Variants in SLC44A2 observed in about 807,000 individuals in gnomAD.
SLC44A2 encodes choline transporter-like protein 2.
A neutral mutation model predicts 90.8 loss-of-function variants in SLC44A2; 57 were observed. That is an observed-to-expected ratio of 0.63 (90% CI 0.51 to 0.78). The LOEUF is 0.78. Ranked by LOEUF, SLC44A2 falls within the 30% of genes least tolerant of loss-of-function variation. The probability of loss-of-function intolerance (pLI) is 0.00; values close to 1 mark genes in which losing one functional copy is unlikely to be tolerated. For missense variants in SLC44A2, 794 were observed against 919.7 expected, an observed-to-expected ratio of 0.86 and a Z score of 1.77; for synonymous variants, 355 against 360.7, an observed-to-expected ratio of 0.98 and a Z score of 0.18.
chr19:10,604,787 G>T (rs865911484), intron 1 of SLC44A2, among the ~76,000 whole-genome samples: 2 of 152,162 alleles, frequency 1.3e-5, no homozygotes, highest in Non-Finnish European at 2.9e-5. Context: ...TAGTACTGGG[G>T]ACATGGCTTT....
At chr19:10,640,480 G>A (rs1056882363) in intron 20 of SLC44A2, among the ~76,000 whole-genome samples, 1 of 152,068 alleles carries the variant, frequency 6.6e-6, no homozygotes, top group Non-Finnish European at 1.5e-5. Flanking sequence ...TAATAATAGA[G>A]GCAGTGTCTC....
chr19:10,627,679 A>G (rs890579588), intron 2 of SLC44A2, 43 bp from the exon 3 acceptor site: 2 of 1,588,458 alleles, frequency 1.3e-6, no homozygotes, highest in African/African-American at 2.7e-5. Flanking sequence ...CATGGTGCAC[A>G]CAGCACCAAG....
rs141165685 is a variant in SLC44A2 at position 10,609,407 on chromosome 19, C to T, written c.31+6846C>T. Among the ~76,000 whole-genome samples, 1,275 of 152,122 alleles carry T rather than the reference C, an allele frequency of 8.4e-3. 20 individuals are homozygous for T. The highest frequency in any genetic ancestry group is 0.029 in the African/African-American group (1,208 of 41,504). On this transcript the variant is annotated intron_variant, in intron 1 of 21. Transcript: ENST00000407327. ...CTCCGCCTCCTGGGTTCAAGTGATTCTCCTGCCTCAGGCTCCTGAGTAGCT... is the reference window on the plus strand; with the variant it reads ...CTCCGCCTCCTGGGTTCAAGTGATTTTCCTGCCTCAGGCTCCTGAGTAGCT...
chr19:10,617,761 C>CCT (rs1366105057), intron 1 of SLC44A2, among the ~76,000 whole-genome samples: 1 of 152,142 alleles, frequency 6.6e-6, no homozygotes, highest in Non-Finnish European at 1.5e-5. Flanking sequence ...GATGAAATGG[C>CCT]CTCCAGTATG....
chr19:10,641,135 A>G, intron 20 of SLC44A2: 1 of 391,198 alleles, frequency 2.6e-6, no homozygotes, highest in Non-Finnish European at 4.9e-6. Flanking sequence ...GCCCACATGT[A>G]TAATCCCAGC....
At chr19:10,621,424 T>C (rs1004985172), upstream of SLC44A2, among the ~76,000 whole-genome samples, 23 of 139,130 alleles carry the variant, frequency 1.7e-4, no homozygotes, top group African/African-American at 5.6e-4. Flanking sequence ...GGTTGGGTGT[T>C]TTTTTTTTTT....
At chr19:10,620,540 G>C (rs1219790350) in intron 1 of SLC44A2, among the ~76,000 whole-genome samples, 5 of 152,110 alleles carry the variant, frequency 3.3e-5, no homozygotes, top group Non-Finnish European at 5.9e-5. Context: ...TTTATTTTCA[G>C]TGTTCACTCT....
At chr19:10,608,895 C>T (rs1040745720) in intron 1 of SLC44A2, among the ~76,000 whole-genome samples, 5 of 151,160 alleles carry the variant, frequency 3.3e-5, no homozygotes, top group African/African-American at 1.2e-4. Context: ...AAGCTATCCA[C>T]GTGCTTCAGC....
rs115004332 is a variant in SLC44A2, at chr19:10,635,296, C to A, written c.1148+41C>A. On this transcript the variant is annotated intron_variant, in intron 13 of 21. Transcript: ENST00000335757. Reference sequence around the variant, plus strand: ...CACTGATCTCTGACCCCAGGGATGGCTAAAGACCAACTTTGCCTAGAAGTG... The same window carrying A: ...CACTGATCTCTGACCCCAGGGATGGATAAAGACCAACTTTGCCTAGAAGTG... 5.1e-3 allele frequency: 8,285 copies of A among 1,609,946 alleles called. 378 individuals carry two copies. The African/African-American group carries it at 0.097, about 19-fold the overall frequency.
chr19:10,618,100 G>T (rs1320877874), intron 1 of SLC44A2, among the ~76,000 whole-genome samples: 1 of 151,886 alleles, frequency 6.6e-6, no homozygotes, highest in Non-Finnish European at 1.5e-5. Context: ...CGCCTCCCGG[G>T]TTCATGCCAT....
At chr19:10,624,990 G>A (rs142192576), upstream of SLC44A2, among the ~76,000 whole-genome samples, 7 of 152,192 alleles carry the variant, frequency 4.6e-5, no homozygotes, top group African/African-American at 1.2e-4. Flanking sequence ...TTAAAAATTA[G>A]CCGAGTGCAG....
chr19:10,619,673 G>A lies in SLC44A2; in HGVS notation c.32-6580G>A, dbSNP rs569627809. 1.1e-4 allele frequency among the ~76,000 whole-genome samples: 16 copies of A among 152,082 alleles called. No homozygotes were observed. The South Asian group carries it at 2.5e-3, about 24-fold the overall frequency. On this transcript the variant is annotated intron_variant, in intron 1 of 21. Coordinates refer to the SLC44A2 transcript ENST00000407327. Reference sequence around the variant, plus strand: ...TTAAGTATAAAATTAGCAAATCTCCGCCGGACGCAGTGGCTCACACCTGTA... The same window carrying A: ...TTAAGTATAAAATTAGCAAATCTCCACCGGACGCAGTGGCTCACACCTGTA...
intron 14 of SLC44A2, 35 bp from the exon 15 acceptor site, chr19:10,636,286 CCT>C: frequency 6.3e-7 from 1 of 1,584,142 alleles, no homozygotes; most frequent in Non-Finnish European, 8.6e-7. Context: ...ACCCCTGGTG[CCT>C]CTTTTTGGAC....
Position 10,607,747 on chromosome 19 carries a change from ATTAT to A in SLC44A2, c.31+5189_31+5192del, listed in dbSNP as rs1229540031. Among the ~76,000 whole-genome samples the A allele has an allele frequency of 5.4e-4, 64 of 118,650 alleles. 1 individual carries two copies. Among genetic ancestry groups the A allele is most frequent in the African/African-American group, 1.9e-3 (63 of 33,808 alleles). The allele number at this position is 118,650 out of a possible 152,430, so 77.8% of individuals were successfully genotyped here. A position where few individuals can be genotyped will look rare whatever the true frequency, so the allele number is the denominator to read the frequency against. ...TCCTCAATCATTTATTATTATTATT[ATTAT>A]TTTTTTTTTTTTGAGACGGAGTCTC... On this transcript the variant is annotated intron_variant, in intron 1 of 21. Coordinates refer to the SLC44A2 transcript ENST00000407327.
chr19:10,627,388 TA>T (rs963623700), intron 2 of SLC44A2, among the ~76,000 whole-genome samples: 18 of 146,066 alleles, frequency 1.2e-4, no homozygotes, highest in East Asian at 2.0e-4. Flanking sequence ...GTATATAAAT[TA>T]AAAAAAAAAT....
chr19:10,621,766 G>A (rs1404954242), upstream of SLC44A2, among the ~76,000 whole-genome samples: 2 of 152,134 alleles, frequency 1.3e-5, no homozygotes, highest in African/African-American at 4.8e-5. Flanking sequence ...CTACAGGCAT[G>A]CACCACCTCG....
Position 10,608,425 on chromosome 19 carries a change from C to A in SLC44A2, c.31+5864C>A, listed in dbSNP as rs1918179928. Among the ~76,000 whole-genome samples the A allele has an allele frequency of 2.0e-5, 3 of 151,950 alleles. No homozygotes were observed. In the South Asian group the frequency reaches 6.2e-4, roughly 31 times the overall value. ...TGTGGATGGGCTGTCTTTTATTTAG[C>A]CAATCAAAGGGAATATTTATTTTAA... On this transcript the variant is annotated intron_variant, in intron 1 of 21. Transcript: ENST00000407327.
In SLC44A2 at chr19:10,637,929, G is replaced by A; in HGVS notation, c.1769G>A (p.Arg590Lys). ...TTCCTGCTCATGAGAAACATCATCA[G>A]GTCGGGAATCATTATCATCTTCCTC... ...AFFLLMRNII[R>K]VAVLDKVTDF... Residue 590 changes from arginine (R) to lysine (K), a missense_variant and splice_region_variant, in exon 18 of 22, where the codon AGA becomes AAA. By Grantham distance (26) the Arg-to-Lys change is conservative. Transcript: ENST00000335757. 6.2e-7 allele frequency: 1 copy of A among 1,614,088 alleles called. No individual in the cohort carries two copies. Among genetic ancestry groups the A allele is most frequent in the Non-Finnish European group, 8.5e-7 (1 of 1,180,026 alleles).
At chr19:10,623,825 G>A (rs566678476), upstream of SLC44A2, among the ~76,000 whole-genome samples, 5 of 152,080 alleles carry the variant, frequency 3.3e-5, no homozygotes, top group African/African-American at 9.6e-5. Context: ...CAGTAGCTGG[G>A]ATTACAGGTG....
Sources: allele counts gnomAD v4.1 joint callset (sites outside exome capture counted in the v4.1 genomes callset), GRCh38; gene constraint gnomAD v4.1.1; transcripts MANE v1.5; gene names NCBI Gene and HGNC (gene_info 2026-07-23, HGNC 2026-07-21).